ENTREP2: variants seen among roughly 807,000 people sequenced by gnomAD.
ENTREP2 encodes the protein protein ENTREP2.
the ENTREP2 span, among the ~76,000 whole-genome samples, chr15:29,534,139 A>G: frequency 2.0e-5 from 2 of 100,528 alleles, no homozygotes; most frequent in South Asian, 3.3e-4. Flanking sequence ...AAAAAAAAAG[A>G]AGGATATGTA....
chr15:29,198,352 C>T, the ENTREP2 span, among the ~76,000 whole-genome samples: 1 of 152,148 alleles, frequency 6.6e-6, no homozygotes, highest in Non-Finnish European at 1.5e-5. Flanking sequence ...AACTGTTCTG[C>T]CCTATGGTAC....
At chr15:29,505,081 A>G in the ENTREP2 span, among the ~76,000 whole-genome samples, 1 of 152,258 alleles carries the variant, frequency 6.6e-6, no homozygotes, top group Non-Finnish European at 1.5e-5. The surrounding 1 kb of genome is among the most constrained non-coding windows in gnomAD (Gnocchi z 4.3). Context: ...ATAAACATAG[A>G]GTGGATACTT....
the ENTREP2 span, among the ~76,000 whole-genome samples, chr15:29,444,753 T>C: frequency 6.6e-6 from 1 of 152,080 alleles, no homozygotes. Context: ...GTGTGAGCCA[T>C]CACACCTGGC....
At chr15:29,368,020 C>G in the ENTREP2 span, among the ~76,000 whole-genome samples, 56 of 124,050 alleles carry the variant, frequency 4.5e-4, no homozygotes, top group African/African-American at 1.8e-3. Flanking sequence ...AAAAAAAAAG[C>G]AATCAATGTA....
chr15:29,179,587 T>G, the ENTREP2 span, among the ~76,000 whole-genome samples: 2 of 151,316 alleles, frequency 1.3e-5, no homozygotes, highest in Non-Finnish European at 3.0e-5. Flanking sequence ...GTCGTCTTTT[T>G]TTTTTTTTTT....
At chr15:29,309,123 C>T in the ENTREP2 span, among the ~76,000 whole-genome samples, 1 of 152,172 alleles carries the variant, frequency 6.6e-6, no homozygotes, top group South Asian at 2.1e-4. Context: ...ATTTAATTCA[C>T]AGGCCCAGCT....
At chr15:29,373,330 G>A in the ENTREP2 span, among the ~76,000 whole-genome samples, 104 of 152,184 alleles carry the variant, frequency 6.8e-4, no homozygotes, top group African/African-American at 2.5e-3. Flanking sequence ...GGGTGAGGAA[G>A]GAACCAAGGG....
the ENTREP2 span, among the ~76,000 whole-genome samples, chr15:29,202,281 A>G: frequency 1.3e-5 from 2 of 151,322 alleles, no homozygotes. Context: ...TCTTTCATTT[A>G]TGATTTCCTG....
the ENTREP2 span, among the ~76,000 whole-genome samples, chr15:29,484,511 A>G: frequency 1.4e-4 from 21 of 152,210 alleles, no homozygotes; most frequent in Non-Finnish European, 2.2e-4. Flanking sequence ...CACAAACACT[A>G]CCAACAGAAA....
At chr15:29,461,050 A>T in the ENTREP2 span, among the ~76,000 whole-genome samples, 8 of 151,506 alleles carry the variant, frequency 5.3e-5, no homozygotes, top group African/African-American at 2.0e-4. Context: ...TCTCAAGACA[A>T]TAACTACGGC....
chr15:29,242,120 C>T, the ENTREP2 span, among the ~76,000 whole-genome samples: 1 of 152,220 alleles, frequency 6.6e-6, no homozygotes, highest in African/African-American at 2.4e-5. Flanking sequence ...GACACCCAGG[C>T]TGGAGTGCAG....
the ENTREP2 span, among the ~76,000 whole-genome samples, chr15:29,257,434 G>A: frequency 6.6e-6 from 1 of 152,132 alleles, no homozygotes; most frequent in Non-Finnish European, 1.5e-5. Flanking sequence ...TTAGTCCTTT[G>A]CTATTTATTA....
the ENTREP2 span, chr15:29,234,874 T>C: frequency 6.8e-7 from 1 of 1,471,734 alleles, no homozygotes; most frequent in African/African-American, 1.4e-5. Context: ...CCGAACGAAT[T>C]GTTGTCAAAA....
At chr15:29,123,889 G>A in the ENTREP2 span, among the ~76,000 whole-genome samples, 1 of 152,200 alleles carries the variant, frequency 6.6e-6, no homozygotes, top group African/African-American at 2.4e-5. Context: ...GGGGGGAAGG[G>A]CCACCACAGC....
chr15:29,626,177 G>C, the ENTREP2 span, among the ~76,000 whole-genome samples: 4 of 152,152 alleles, frequency 2.6e-5, no homozygotes, highest in Admixed American at 6.5e-5. Flanking sequence ...TGTTGATCTT[G>C]TATCTTCAAA....
chr15:29,539,936 A>C, the ENTREP2 span, among the ~76,000 whole-genome samples: 13 of 152,142 alleles, frequency 8.5e-5, no homozygotes, highest in African/African-American at 3.1e-4. Context: ...AAACGTGGCC[A>C]CCAACAGCTC....
chr15:29,344,548 A>C, the ENTREP2 span, among the ~76,000 whole-genome samples: 1 of 152,070 alleles, frequency 6.6e-6, no homozygotes, highest in Admixed American at 6.5e-5. Context: ...TTCATAACAC[A>C]TGGGGCTTTC....
At chr15:29,422,779 G>A in the ENTREP2 span, among the ~76,000 whole-genome samples, 1 of 152,214 alleles carries the variant, frequency 6.6e-6, no homozygotes, top group Non-Finnish European at 1.5e-5. Flanking sequence ...TTAGGTAAGA[G>A]AGAAAGAACA....
chr15:29,173,180 C>T, the ENTREP2 span, among the ~76,000 whole-genome samples: 1 of 152,192 alleles, frequency 6.6e-6, no homozygotes, highest in Admixed American at 6.5e-5. Flanking sequence ...ACTCCCAGGA[C>T]AGTCCACTGC....
Sources: gnomAD v4.1 joint callset for allele counts (sites outside exome capture counted in the v4.1 genomes callset) on GRCh38, gnomAD v4.1.1 for gene constraint, Gnocchi (gnomAD v3.1) non-coding constraint, MANE v1.5 for transcripts, NCBI Gene and HGNC (gene_info 2026-07-23, HGNC 2026-07-21) for gene names.